The following WDR59 variants were observed in gnomAD, a reference collection of about 807,000 sequenced individuals.
WDR59 encodes the protein GATOR2 complex protein WDR59.
WDR59 carries 100 observed loss-of-function variants against 131.2 expected under a neutral mutation model. The observed-to-expected ratio is 0.76, with a 90% confidence interval of 0.65 to 0.90. The LOEUF (loss-of-function observed/expected upper bound fraction) is 0.90, where lower values mean the gene tolerates loss of function less well. WDR59 is among the 40% of genes least tolerant of loss of function. The pLI is 0.00. For synonymous variants in WDR59, 601 were observed against 466.2 expected (o/e 1.29, Z -3.72); for missense variants, 1,203 against 1,262.2 (o/e 0.95, Z 0.71).
In WDR59 at chr16:74,874,203, G is replaced by A. The variant is rs553530688; in HGVS notation, c.*6C>T. On this transcript the variant is annotated 3_prime_UTR_variant, in exon 26 of 26. Coordinates refer to ENST00000262144, the MANE Select transcript of WDR59 (RefSeq NM_030581.4). ...GGATTTCAGACAATACCCAACTTCT[G>A]TAGGTTCAGAAAGTGCTTTCAAGCA... The A allele has an allele frequency of 3.2e-5, 52 of 1,611,610 alleles. No individual in the cohort carries two copies. In the East Asian group the frequency reaches 6.7e-4, roughly 21 times the overall value.
At chr16:74,964,566 A>G (rs2033689288) in intron 2 of WDR59, among the ~76,000 whole-genome samples, 1 of 152,202 alleles carries the variant, frequency 6.6e-6, no homozygotes, top group Non-Finnish European at 1.5e-5. Context: ...ACCATGTTGT[A>G]TACTTTTTTA....
rs776113467 is a variant in WDR59 at position 74,893,720 on chromosome 16, A to C, written c.1959T>G (p.Ala653=). Residue 653 remains alanine (A), a synonymous_variant, in exon 19 of 26, where the codon GCT becomes GCG. Coordinates refer to ENST00000262144, the MANE Select transcript of WDR59 (RefSeq NM_030581.4). The part of the protein sequence containing the change: ...AAGKVIIQDI[A]CLLPVHKSLG... Reference sequence around the variant, plus strand: ...GCGATTTGTGAACAGGCAGGAGGCAAGCAATATCCTGGATGATGACTTTCC... The same window carrying C: ...GCGATTTGTGAACAGGCAGGAGGCACGCAATATCCTGGATGATGACTTTCC... 8 of 1,614,134 alleles carry C rather than the reference A, an allele frequency of 5.0e-6. No individual in the cohort carries two copies. In the South Asian group the frequency reaches 8.8e-5, roughly 18 times the overall value.
intron 2 of WDR59, among the ~76,000 whole-genome samples, chr16:74,964,733 G>A (rs1203942863): frequency 6.6e-6 from 1 of 152,000 alleles, no homozygotes; most frequent in Non-Finnish European, 1.5e-5. Context: ...CAACACGAAA[G>A]GAAAAGGGGA....
At chr16:74,884,580 T>G (rs1964665523) in intron 25 of WDR59, among the ~76,000 whole-genome samples, 1 of 152,180 alleles carries the variant, frequency 6.6e-6, no homozygotes, top group Non-Finnish European at 1.5e-5. Flanking sequence ...ACCCCTGGCC[T>G]CAAGTGATCT....
intron 25 of WDR59, among the ~76,000 whole-genome samples, chr16:74,875,257 A>G (rs540401800): frequency 6.6e-6 from 1 of 151,744 alleles, no homozygotes; most frequent in East Asian, 1.9e-4. Context: ...TGCTCTATCT[A>G]CTCTGCTGGC....
chr16:74,937,212 C>A (rs929499630), intron 8 of WDR59, among the ~76,000 whole-genome samples: 1 of 152,218 alleles, frequency 6.6e-6, no homozygotes, highest in Non-Finnish European at 1.5e-5. Flanking sequence ...ACAAACAACA[C>A]TGTACCTTGT....
chr16:74,980,316 T>A (rs1233854759), intron 1 of WDR59, among the ~76,000 whole-genome samples: 1 of 151,962 alleles, frequency 6.6e-6, no homozygotes, highest in African/African-American at 2.4e-5. Flanking sequence ...AAAAAGACTT[T>A]CACACTTCAG....
At chr16:74,926,020 A>T (rs2030764964) in intron 8 of WDR59, among the ~76,000 whole-genome samples, 1 of 149,494 alleles carries the variant, frequency 6.7e-6, no homozygotes, top group South Asian at 2.1e-4. Flanking sequence ...AAAAAAAAGT[A>T]TATCAGACTA....
chr16:74,976,203 C>G (rs779969366), intron 1 of WDR59, among the ~76,000 whole-genome samples: 16 of 151,988 alleles, frequency 1.1e-4, no homozygotes, highest in Non-Finnish European at 1.9e-4. Context: ...TGCTCCTAGC[C>G]AAATAATTTG....
chr16:74,887,611 A>C, intron 23 of WDR59, 72 bp downstream of exon 23: 1 of 1,384,546 alleles, frequency 7.2e-7, no homozygotes, highest in African/African-American at 1.4e-5. Flanking sequence ...CTAAGCATCA[A>C]CTAAAGGTTA....
rs1597637194 is a variant in WDR59 at position 74,885,673 on chromosome 16, G to A, written c.2669C>T (p.Pro890Leu). 1 of 1,614,066 alleles carries A rather than the reference G, an allele frequency of 6.2e-7. No homozygotes were observed. The change falls in exon 25 of 26, where the codon CCT (proline) becomes CTT (leucine). Residue 890 changes from proline (P) to leucine (L), a missense_variant. Pro to Leu is a moderately conservative substitution (Grantham distance 98). Transcript: ENST00000262144. The part of the protein sequence containing the change: ...AEVLKFVSCP[P>L]DPHKGIEFGV... ...CTCACCGATCCCTTTGTGAGGGTCA[G>A]GAGGACAGGAGACAAACTTCAACAC...
chr16:74,924,073 C>T, intron 8 of WDR59, 70 bp from the exon 9 acceptor site: 7 of 1,459,160 alleles, frequency 4.8e-6, no homozygotes, highest in Non-Finnish European at 5.7e-6. Context: ...ATAAGCACAG[C>T]CTTTGAACTC....
intron 8 of WDR59, among the ~76,000 whole-genome samples, chr16:74,928,657 T>G (rs893942699): frequency 6.6e-6 from 1 of 152,110 alleles, no homozygotes; most frequent in Non-Finnish European, 1.5e-5. Flanking sequence ...ATCCCAGCAC[T>G]TTGGGAGGCC....
chr16:74,884,833 C>T (rs1964675642), intron 25 of WDR59, among the ~76,000 whole-genome samples: 1 of 152,206 alleles, frequency 6.6e-6, no homozygotes, highest in South Asian at 2.1e-4. Context: ...GCTCTTTTCA[C>T]CACTCTGCAC....
intron 21 of WDR59, 52 bp downstream of exon 21, chr16:74,889,651 G>A: frequency 1.4e-6 from 2 of 1,476,578 alleles, no homozygotes; most frequent in Non-Finnish European, 1.9e-6. Flanking sequence ...AGTGTTTACA[G>A]ACCAAAAATG....
intron 17 of WDR59, among the ~76,000 whole-genome samples, chr16:74,908,269 T>C (rs978132644): frequency 6.6e-6 from 1 of 152,020 alleles, no homozygotes; most frequent in Non-Finnish European, 1.5e-5. Flanking sequence ...ATTATAAAAA[T>C]TAGCCAGACA....
At chr16:74,973,934 C>G (rs1413473372) in intron 1 of WDR59, among the ~76,000 whole-genome samples, 1 of 152,078 alleles carries the variant, frequency 6.6e-6, no homozygotes, top group African/African-American at 2.4e-5. Context: ...CTTTGGGAGG[C>G]TGAAGCAGGT....
At position 74,897,674 on chromosome 16, in the gene WDR59, C is replaced by T. The variant is rs534631509; in HGVS notation, c.1867-3862G>A. Among the ~76,000 whole-genome samples, 18 of 152,208 alleles carry T rather than the reference C, an allele frequency of 1.2e-4. No individual in the cohort carries two copies. The South Asian group carries it at 3.5e-3, about 30-fold the overall frequency. On this transcript the variant is annotated intron_variant, in intron 18 of 25. Transcript: ENST00000262144. ...GGGAGGTTCCCCAACAAAGGATCAC[C>T]CTAATTAGAGTTGCTACCGGAACCA...
chr16:74,952,700 A>T (rs1173171416), intron 3 of WDR59, among the ~76,000 whole-genome samples: 1 of 151,442 alleles, frequency 6.6e-6, no homozygotes, highest in Non-Finnish European at 1.5e-5. Context: ...TTTATGAAAC[A>T]CACTGAAAGT....
Sources: allele counts gnomAD v4.1 joint callset (sites outside exome capture counted in the v4.1 genomes callset), GRCh38; gene constraint gnomAD v4.1.1; transcripts MANE v1.5; gene names NCBI Gene and HGNC (gene_info 2026-07-23, HGNC 2026-07-21).